FBXL17: variants seen among roughly 807,000 people sequenced by gnomAD.
FBXL17 encodes F-box and leucine rich repeat protein 17, also known as F-box/LRR-repeat protein 17.
FBXL17 carries 22 observed loss-of-function variants against 66.2 expected under a neutral mutation model. That is an observed-to-expected ratio of 0.33 (90% CI 0.24 to 0.47). The LOEUF (loss-of-function observed/expected upper bound fraction) is 0.47, where lower values mean the gene tolerates loss of function less well. Among genes scored for constraint, FBXL17 ranks in the 20% least tolerant of loss-of-function variants. The pLI is 1.00. For synonymous variants in FBXL17, 474 were observed against 400.5 expected, an observed-to-expected ratio of 1.18 and a Z score of -2.19; for missense variants, 878 against 948.2, an observed-to-expected ratio of 0.93 and a Z score of 0.97.
chr5:108,075,604 T>C (rs1003158130), intron 6 of FBXL17, among the ~76,000 whole-genome samples: 1 of 152,000 alleles, frequency 6.6e-6, no homozygotes, highest in Admixed American at 6.5e-5. Context: ...GCCTCCTGAG[T>C]AGCTGGAATT....
chr5:108,219,511 C>A (rs913263280), intron 5 of FBXL17, among the ~76,000 whole-genome samples: 3 of 151,916 alleles, frequency 2.0e-5, no homozygotes, highest in African/African-American at 7.3e-5. Flanking sequence ...CATGGTGAAA[C>A]CCCGTCTCTA....
intron 6 of FBXL17, among the ~76,000 whole-genome samples, chr5:108,119,251 T>C (rs1287651063): frequency 6.6e-6 from 1 of 152,220 alleles, no homozygotes; most frequent in African/African-American, 2.4e-5. Flanking sequence ...GACCCTGGCA[T>C]GGATAATCAT....
intron 7 of FBXL17, among the ~76,000 whole-genome samples, chr5:108,000,131 G>T (rs1316064794): frequency 6.6e-6 from 1 of 152,146 alleles, no homozygotes; most frequent in South Asian, 2.1e-4. Flanking sequence ...CTCCCTTCTA[G>T]ATTTGCTGTG....
intron 4 of FBXL17, among the ~76,000 whole-genome samples, chr5:108,242,414 T>C (rs906219216): frequency 6.6e-6 from 1 of 151,516 alleles, no homozygotes; most frequent in Non-Finnish European, 1.5e-5. Context: ...TAGGGATGAG[T>C]TTTTGATATG....
chr5:107,946,485 T>TATTATTATTA (rs56146664), intron 7 of FBXL17, among the ~76,000 whole-genome samples: 1 of 147,858 alleles, frequency 6.8e-6, no homozygotes, highest in Non-Finnish European at 1.5e-5. Context: ...TTATTATTAT[T>TATTATTATTA]TTGTAGAGAT....
At chr5:108,223,995 T>TTGA (rs1404655160) in intron 5 of FBXL17, 126 bp downstream of exon 5, 1 of 384,242 alleles carries the variant, frequency 2.6e-6, no homozygotes, top group Non-Finnish European at 4.7e-6. Flanking sequence ...CATTTTAACT[T>TTGA]TTATCAAACA....
chr5:108,229,243 T>C (rs866676568), intron 4 of FBXL17, among the ~76,000 whole-genome samples: 1 of 152,008 alleles, frequency 6.6e-6, no homozygotes, highest in African/African-American at 2.4e-5. Context: ...AGAGCACGCA[T>C]AGCCAAAGCA....
chr5:108,369,144 T>C (rs1464373246), intron 1 of FBXL17, among the ~76,000 whole-genome samples: 3 of 152,192 alleles, frequency 2.0e-5, no homozygotes, highest in Non-Finnish European at 4.4e-5. Context: ...ATATTGTTTA[T>C]GTAAAAATGC....
intron 6 of FBXL17, among the ~76,000 whole-genome samples, chr5:108,184,741 C>T (rs1479383605): frequency 3.8e-5 from 3 of 79,094 alleles, no homozygotes; most frequent in East Asian, 4.3e-4. Context: ...AAGCAAGACT[C>T]GGTCTCAAAA....
At chr5:108,267,998 A>T (rs548239147) in intron 4 of FBXL17, among the ~76,000 whole-genome samples, 1 of 152,226 alleles carries the variant, frequency 6.6e-6, no homozygotes, top group East Asian at 1.9e-4. Flanking sequence ...TTTCCAAGTA[A>T]TTTTAGTTTT....
At chr5:108,176,158 G>C (rs749021196) in intron 6 of FBXL17, among the ~76,000 whole-genome samples, 49 of 152,136 alleles carry the variant, frequency 3.2e-4, no homozygotes, top group Non-Finnish European at 2.2e-4. Context: ...TTTTAAAACA[G>C]ATCTGAGACT....
chr5:108,031,834 T>C (rs1427370104), intron 6 of FBXL17, among the ~76,000 whole-genome samples: 1 of 152,180 alleles, frequency 6.6e-6, no homozygotes, highest in African/African-American at 2.4e-5. Flanking sequence ...TCTGCAATGC[T>C]GACTGCCAAA....
rs754351405 is a variant in FBXL17, at chr5:108,381,302, A to AGCGGCGGCG, written c.381_389dup (p.Ala130_Ala132dup). 28 of 1,401,054 alleles carry AGCGGCGGCG rather than the reference A, an allele frequency of 2.0e-5. No individual in the cohort carries two copies. In the East Asian group the frequency reaches 2.8e-4, roughly 14 times the overall value. The allele number at this position is 1,401,054 out of a possible 1,614,324, so 86.8% of individuals were successfully genotyped here. The stretch of plus-strand genomic sequence containing the variant: ...AGGCGGGCGACGAAGCCGAGGCGGC[A>AGCGGCGGCG]GCGGCGGCGGCGGCGGCGGCCGAGG... On this transcript the variant is annotated inframe_insertion, in exon 1 of 9. Transcript: ENST00000542267.
intron 6 of FBXL17, among the ~76,000 whole-genome samples, chr5:108,156,825 A>G (rs1752014694): frequency 6.6e-6 from 1 of 151,954 alleles, no homozygotes; most frequent in Non-Finnish European, 1.5e-5. Context: ...CTGAAGTTCC[A>G]AGAATAATAA....
chr5:107,908,098 T>C (rs1749824350), intron 7 of FBXL17, among the ~76,000 whole-genome samples: 1 of 152,144 alleles, frequency 6.6e-6, no homozygotes, highest in East Asian at 1.9e-4. Flanking sequence ...ATATACACCA[T>C]GGAATACTAT....
chr5:107,861,887 C>T lies in FBXL17; in HGVS notation c.1966-27G>A, dbSNP rs373611277. On this transcript the variant is annotated intron_variant, in intron 8 of 8. Coordinates refer to ENST00000542267, the MANE Select transcript of FBXL17 (RefSeq NM_001163315.3). ...TGCAAACAAAGAAGAGTCACCATCA[C>T]GCACAGAGACCACCAACACCACGCC... 61 of 1,472,470 alleles carry T rather than the reference C, an allele frequency of 4.1e-5. No homozygotes were observed. The Middle Eastern group carries it at 1.3e-3, about 31-fold the overall frequency. The allele number at this position is 1,472,470 out of a possible 1,614,324, so 91.2% of individuals were successfully genotyped here.
chr5:108,297,960 T>C, intron 4 of FBXL17: 3 of 976,516 alleles, frequency 3.1e-6, no homozygotes, highest in Non-Finnish European at 3.6e-6. Flanking sequence ...TCTCCATTTA[T>C]AAAAATGGCA....
At chr5:108,110,459 T>C (rs1043303933) in intron 6 of FBXL17, among the ~76,000 whole-genome samples, 4 of 152,160 alleles carry the variant, frequency 2.6e-5, no homozygotes, top group Non-Finnish European at 5.9e-5. Flanking sequence ...CATGTATTCA[T>C]AAAGAAAATT....
chr5:108,370,207 T>G (rs1053739694), intron 1 of FBXL17, among the ~76,000 whole-genome samples: 4 of 151,994 alleles, frequency 2.6e-5, no homozygotes, highest in African/African-American at 9.7e-5. Flanking sequence ...TTTTGTTTTG[T>G]TTTTTTTCTC....
Sources: allele counts gnomAD v4.1 joint callset (sites outside exome capture counted in the v4.1 genomes callset), GRCh38; gene constraint gnomAD v4.1.1; transcripts MANE v1.5; gene names NCBI Gene and HGNC (gene_info 2026-07-23, HGNC 2026-07-21).